KATNAL2: variants seen among roughly 807,000 people sequenced by gnomAD.
The protein encoded by KATNAL2 is katanin p60 ATPase-containing subunit A-like 2.
A neutral mutation model predicts 76.3 loss-of-function variants in KATNAL2; 52 were observed. That is an observed-to-expected ratio of 0.68 (90% CI 0.55 to 0.86). KATNAL2 has a LOEUF of 0.86. KATNAL2 is among the 40% of genes least tolerant of loss of function. The probability of loss-of-function intolerance (pLI) is 0.00; values close to 1 mark genes in which losing one functional copy is unlikely to be tolerated. For missense variants in KATNAL2, 660 were observed against 668.9 expected (o/e 0.99, Z 0.15); for synonymous variants, 243 against 244.2 (o/e 1.00, Z 0.05).
intron 3 of KATNAL2, among the ~76,000 whole-genome samples, chr18:46,959,293 G>A (rs960926677): frequency 2.6e-5 from 4 of 152,132 alleles, no homozygotes; most frequent in African/African-American, 4.8e-5. Context: ...CATATACAAG[G>A]AAGATTAACC....
intron 13 of KATNAL2, among the ~76,000 whole-genome samples, chr18:47,069,870 G>GA (rs559918290): frequency 2.6e-5 from 4 of 151,838 alleles, no homozygotes; most frequent in Non-Finnish European, 4.4e-5. Flanking sequence ...AAAGCTGGGG[G>GA]AAAAAAATCT....
intron 3 of KATNAL2, among the ~76,000 whole-genome samples, chr18:47,043,372 G>A (rs1227130221): frequency 1.3e-5 from 2 of 152,028 alleles, no homozygotes; most frequent in Admixed American, 1.3e-4. Flanking sequence ...TCAGGCATAC[G>A]AATTCTCAAC....
intron 15 of KATNAL2, among the ~76,000 whole-genome samples, chr18:47,097,377 G>A (rs1467628760): frequency 1.3e-5 from 2 of 152,118 alleles, no homozygotes; most frequent in East Asian, 1.9e-4. Flanking sequence ...ACACCACACC[G>A]ACAGTGAGAT....
At chr18:47,035,409 G>A in intron 3 of KATNAL2, 1 of 1,482,702 alleles carries the variant, frequency 6.7e-7, no homozygotes, top group South Asian at 1.4e-5. Flanking sequence ...CCTGGAGCGA[G>A]CTGGGTCCTC....
chr18:47,039,512 T>G (rs1280429051), intron 3 of KATNAL2, among the ~76,000 whole-genome samples: 2 of 152,162 alleles, frequency 1.3e-5, no homozygotes, highest in African/African-American at 2.4e-5. Flanking sequence ...CCTAATGAGT[T>G]TTTCATCCCA....
chr18:47,066,871 ATATATATATATATATATATAT>A (rs2061821688), intron 10 of KATNAL2, 129 bp from the exon 11 acceptor site: 1 of 83,622 alleles, frequency 1.2e-5, no homozygotes, highest in Non-Finnish European at 2.5e-5. Context: ...ATATATATAT[ATATATATATATATATATATAT>A]AATATGAACA....
chr18:46,946,390 C>T lies in KATNAL2; in HGVS notation c.-176C>T, dbSNP rs2059381925. The T allele has an allele frequency of 9.7e-7, 1 of 1,033,946 alleles. No individual in the cohort carries two copies. Among genetic ancestry groups the T allele is most frequent in the Non-Finnish European group, 1.2e-6 (1 of 858,106 alleles). 64.0% of individuals were successfully genotyped at this position (1,033,946 alleles called of 1,614,324 possible). ...AGCAGATTCGTCCAGTCTAGATAGACCATGCACAGAGAATTTCAAAGAAAA... is the reference window on the plus strand; with the variant it reads ...AGCAGATTCGTCCAGTCTAGATAGATCATGCACAGAGAATTTCAAAGAAAA... On this transcript the variant is annotated 5_prime_UTR_variant, in exon 2 of 18. Transcript: ENST00000683218.
At chr18:46,931,141 A>AT (rs2058905665) in intron 1 of KATNAL2, among the ~76,000 whole-genome samples, 1 of 103,412 alleles carries the variant, frequency 9.7e-6, no homozygotes. Context: ...AATAATAATA[A>AT]ATAAATAAAT....
At chr18:47,055,389 A>G (rs1436754656) in intron 6 of KATNAL2, among the ~76,000 whole-genome samples, 1 of 152,196 alleles carries the variant, frequency 6.6e-6, no homozygotes, top group African/African-American at 2.4e-5. Context: ...TAGGCCCTCA[A>G]GAGGTATGGA....
Position 47,033,075 on chromosome 18 carries a change from C to G in KATNAL2, c.52-13382C>G, listed in dbSNP as rs375305878. ...TCAGCGGGGCCACTTTCTTGGCAGC[C>G]TGTTTCCGGGTTTTGGCCGCGGGCG... On this transcript the variant is annotated intron_variant, in intron 3 of 17. Coordinates refer to ENST00000683218, the MANE Select transcript of KATNAL2 (RefSeq NM_001387690.1). The G allele has an allele frequency of 1.0e-4, 164 of 1,614,134 alleles. 3 individuals carry two copies. In the South Asian group the frequency reaches 1.7e-3, roughly 17 times the overall value.
intron 15 of KATNAL2, among the ~76,000 whole-genome samples, chr18:47,096,037 C>T (rs973653959): frequency 6.6e-6 from 1 of 152,056 alleles, no homozygotes; most frequent in African/African-American, 2.4e-5. Context: ...AAGAACAAAG[C>T]AAATGCAAAA....
At chr18:47,031,554 G>C (rs1334354699) in intron 3 of KATNAL2, among the ~76,000 whole-genome samples, 1 of 152,110 alleles carries the variant, frequency 6.6e-6, no homozygotes, top group Middle Eastern at 3.2e-3. Flanking sequence ...ACAGTTTGTA[G>C]AAAAATAGGT....
chr18:46,948,481 A>G (rs1345669815), intron 3 of KATNAL2, among the ~76,000 whole-genome samples: 8 of 141,574 alleles, frequency 5.7e-5, no homozygotes, highest in Admixed American at 1.4e-4. Context: ...CTGGAGTGCA[A>G]TGGTGTGATC....
intron 1 of KATNAL2, among the ~76,000 whole-genome samples, chr18:46,921,423 G>A (rs1294415951): frequency 6.6e-6 from 1 of 152,160 alleles, no homozygotes; most frequent in Non-Finnish European, 1.5e-5. Context: ...ACTGCGCCTG[G>A]CATAAAGTGT....
intron 8 of KATNAL2, among the ~76,000 whole-genome samples, chr18:47,061,853 CTAT>C (rs1221978989): frequency 8.4e-6 from 1 of 119,288 alleles, no homozygotes; most frequent in Non-Finnish European, 1.9e-5. Flanking sequence ...TAAATGTTAA[CTAT>C]TATTATTATT....
rs562330797 is a variant in KATNAL2, at chr18:47,094,450, C to A, written c.1212-4793C>A. On this transcript the variant is annotated intron_variant, in intron 15 of 17. Transcript: ENST00000683218. Reference sequence around the variant, plus strand: ...GAAGAATTCTGTTTTCTCCAAGATTCTTTTTATTTTCCACCATTAATTTGT... The same window carrying A: ...GAAGAATTCTGTTTTCTCCAAGATTATTTTTATTTTCCACCATTAATTTGT... 2.0e-5 allele frequency among the ~76,000 whole-genome samples: 3 copies of A among 152,260 alleles called. No homozygotes were observed. In the East Asian group the frequency reaches 5.8e-4, roughly 29 times the overall value.
chr18:47,063,268 C>G lies in KATNAL2; in HGVS notation c.649-16C>G, dbSNP rs1187039697. ...AAGCAATATTGTAATGTGAGCCTTT[C>G]CGCTCCTCTCATCAGGAACGACTGC... is the stretch of plus-strand genomic sequence containing the variant. On this transcript the variant is annotated splice_polypyrimidine_tract_variant and intron_variant, in intron 9 of 17. Transcript: ENST00000683218. 6.2e-7 allele frequency: 1 copy of G among 1,611,706 alleles called. No homozygotes were observed. Among genetic ancestry groups the G allele is most frequent in the Non-Finnish European group, 8.5e-7 (1 of 1,178,522 alleles).
intron 1 of KATNAL2, among the ~76,000 whole-genome samples, chr18:46,927,215 G>C (rs919864356): frequency 1.4e-4 from 21 of 152,228 alleles, no homozygotes; most frequent in Non-Finnish European, 2.9e-4. Context: ...TTTTGCAGTG[G>C]CTGGTACTGG....
chr18:47,049,155 C>G (rs376461661), intron 4 of KATNAL2, among the ~76,000 whole-genome samples: 2 of 152,188 alleles, frequency 1.3e-5, no homozygotes, highest in East Asian at 3.9e-4. Flanking sequence ...CTGCTCTTCC[C>G]TTTGCTAATC....
Sources: allele counts gnomAD v4.1 joint callset (sites outside exome capture counted in the v4.1 genomes callset), GRCh38; gene constraint gnomAD v4.1.1; transcripts MANE v1.5; gene names NCBI Gene and HGNC (gene_info 2026-07-23, HGNC 2026-07-21).